RASSF2: variants seen among roughly 807,000 people sequenced by gnomAD.
RASSF2 encodes Ras association domain family member 2.
In RASSF2, 34 loss-of-function variants were observed where a neutral mutation model predicts 46.3. The ratio of observed to expected loss-of-function variants is 0.73; its 90% CI spans 0.56 to 0.98. The LOEUF is 0.98. Among genes scored for constraint, RASSF2 ranks in the 50% least tolerant of loss-of-function variants. RASSF2 has a pLI of 0.00. For synonymous variants in RASSF2, 158 were observed against 162.5 expected, an observed-to-expected ratio of 0.97 and a Z score of 0.21; for missense variants, 364 against 431.2, an observed-to-expected ratio of 0.84 and a Z score of 1.38.
At chr20:4,814,618 A>T (rs533670917) in intron 2 of RASSF2, among the ~76,000 whole-genome samples, 2 of 152,152 alleles carry the variant, frequency 1.3e-5, no homozygotes, top group Non-Finnish European at 2.9e-5. Flanking sequence ...AGAGCAAAGG[A>T]AGTGCCGGGT....
At chr20:4,799,863 G>A (rs1926711873) in intron 3 of RASSF2, among the ~76,000 whole-genome samples, 2 of 152,232 alleles carry the variant, frequency 1.3e-5, no homozygotes, top group South Asian at 4.1e-4. Context: ...TGTAATCCCA[G>A]CACTTTGGGA....
intron 4 of RASSF2, 32 bp downstream of exon 4, chr20:4,797,978 G>C: frequency 6.2e-7 from 1 of 1,612,354 alleles, no homozygotes; most frequent in Non-Finnish European, 8.5e-7. Context: ...CCCTGGACTA[G>C]CCAATCAGGG....
At chr20:4,804,319 A>G (rs1372485674) in intron 2 of RASSF2, among the ~76,000 whole-genome samples, 1 of 151,686 alleles carries the variant, frequency 6.6e-6, no homozygotes, top group African/African-American at 2.4e-5. Flanking sequence ...GCGCAAAAAG[A>G]AAAAAAGGAA....
At chr20:4,810,480 A>G (rs7346477) in intron 2 of RASSF2, among the ~76,000 whole-genome samples, 57,662 of 151,904 alleles carry the variant, frequency 0.38, 11,180 homozygotes, top group Admixed American at 0.49. Flanking sequence ...ACGCTCCATG[A>G]TCAGGGAGCC....
intron 2 of RASSF2, among the ~76,000 whole-genome samples, chr20:4,802,320 A>C (rs1926938724): frequency 6.6e-6 from 1 of 150,844 alleles, no homozygotes. Context: ...AGATGCCAGC[A>C]GCACTACCCC....
At chr20:4,803,229 T>C (rs939593781) in intron 2 of RASSF2, among the ~76,000 whole-genome samples, 21 of 151,762 alleles carry the variant, frequency 1.4e-4, no homozygotes, top group South Asian at 2.1e-4. Context: ...ATTTTTTAAG[T>C]GGAAGAGGGA....
At chr20:4,796,265 A>G (rs1926346819) in intron 4 of RASSF2, among the ~76,000 whole-genome samples, 1 of 152,264 alleles carries the variant, frequency 6.6e-6, no homozygotes, top group South Asian at 2.1e-4. Context: ...ACTTTTAAAG[A>G]AAGCGGAATA....
intron 2 of RASSF2, among the ~76,000 whole-genome samples, chr20:4,801,404 G>C (rs1926857354): frequency 6.6e-6 from 1 of 152,196 alleles, no homozygotes; most frequent in African/African-American, 2.4e-5. Context: ...ACACAGAATA[G>C]AGAGTTATCT....
At chr20:4,821,095 C>T (rs372291285) in intron 2 of RASSF2, among the ~76,000 whole-genome samples, 94 of 152,168 alleles carry the variant, frequency 6.2e-4, no homozygotes, top group African/African-American at 2.1e-3. Context: ...AACGCAGACA[C>T]GAAGCCTGGC....
chr20:4,792,767 T>G (rs757578866), intron 5 of RASSF2, 140 bp from the exon 6 acceptor site: 34 of 1,449,050 alleles, frequency 2.3e-5, no homozygotes, highest in Non-Finnish European at 3.0e-5. Flanking sequence ...CATCAGGTGA[T>G]GAAGGGTGCA....
rs6084894 is a variant in RASSF2 at position 4,791,761 on chromosome 20, C to T, written c.376+778G>A. 3.7e-3 allele frequency among the ~76,000 whole-genome samples: 570 copies of T among 152,266 alleles called. 1 individual carries two copies. The highest frequency in any genetic ancestry group is 6.5e-3 in the Non-Finnish European group (443 of 68,020). The stretch of plus-strand genomic sequence containing the variant: ...GCAAACTCGTTTGTCATAGCAGAGG[C>T]TGAAAATGACTTAAATGTCTACCAG... On this transcript the variant is annotated intron_variant, in intron 6 of 11. Coordinates refer to ENST00000379400, the MANE Select transcript of RASSF2 (RefSeq NM_014737.3).
At chr20:4,802,629 T>A (rs1291061707) in intron 2 of RASSF2, among the ~76,000 whole-genome samples, 1 of 152,104 alleles carries the variant, frequency 6.6e-6, no homozygotes, top group East Asian at 1.9e-4. Context: ...AATCAGAGAC[T>A]GATTTTATAG....
At position 4,812,003 on chromosome 20, in the gene RASSF2, C is replaced by G. The variant is rs981856006; in HGVS notation, c.-33+10326G>C. Among the ~76,000 whole-genome samples, 3 of 152,124 alleles carry G rather than the reference C, an allele frequency of 2.0e-5. No individual in the cohort carries two copies. Among genetic ancestry groups the G allele is most frequent in the Admixed American group, 2.0e-4 (3 of 15,270 alleles). ...GCAATGGCAGAGGAGATAGTGATCC[C>G]TCTGCGCTTCGGACCCCTTGTAGTG... On this transcript the variant is annotated intron_variant, in intron 2 of 11. Transcript: ENST00000379400. The surrounding 1 kb of genome is among the most constrained non-coding windows in gnomAD (Gnocchi z 4.0).
rs141113496 is a variant in RASSF2, at chr20:4,805,768, C to T, written c.-32-4706G>A. Reference sequence around the variant, plus strand: ...AGAGTTCGAAGAAGAAGAGGAAAGTCGTGATGTGGAAAGCACACCCTTTGG... The same window carrying T: ...AGAGTTCGAAGAAGAAGAGGAAAGTTGTGATGTGGAAAGCACACCCTTTGG... On this transcript the variant is annotated intron_variant, in intron 2 of 11. Transcript: ENST00000379400. Among the ~76,000 whole-genome samples the T allele has an allele frequency of 2.6e-3, 395 of 152,176 alleles. 2 individuals are homozygous for T. The highest frequency in any genetic ancestry group is 4.1e-3 in the Non-Finnish European group (279 of 68,006).
rs1925490099 is a variant in RASSF2, at chr20:4,787,743, G to C, written c.703C>G (p.Leu235Val). 1 of 1,614,170 alleles carries C rather than the reference G, an allele frequency of 6.2e-7. No homozygotes were observed. The highest frequency in any genetic ancestry group is 8.5e-7 in the Non-Finnish European group (1 of 1,180,044). Residue 235 changes from leucine to valine, a missense_variant, in exon 10 of 12, where the codon CTG becomes GTG. Physicochemically the swap from Leu to Val is conservative, Grantham distance 32. Coordinates refer to ENST00000379400, the MANE Select transcript of RASSF2 (RefSeq NM_014737.3). ...ATCAGCGGGTAATCGGTGGCCTTCA[G>C]CTTCTGTTTCTCTGCAACCACACAC... is the stretch of plus-strand genomic sequence containing the variant. The part of the protein sequence containing the change: ...VVHTSGEKQK[L>V]KATDYPLIAR...
chr20:4,785,379 G>A (rs1416228720), intron 11 of RASSF2, among the ~76,000 whole-genome samples: 1 of 152,016 alleles, frequency 6.6e-6, no homozygotes, highest in Non-Finnish European at 1.5e-5. Flanking sequence ...AAAAACTTTA[G>A]GACATAGTAA....
rs1927919938 is a variant in RASSF2, at chr20:4,812,681, T to C, written c.-33+9648A>G. Among the ~76,000 whole-genome samples, 1 of 152,222 alleles carries C rather than the reference T, an allele frequency of 6.6e-6. No individual in the cohort carries two copies. Among genetic ancestry groups the C allele is most frequent in the Non-Finnish European group, 1.5e-5 (1 of 68,040 alleles). ...AAGCGCCCAGGGCTGCTGCTGATGC[T>C]GCTGGTGGTAGCAGGCTCTAGATGC... On this transcript the variant is annotated intron_variant, in intron 2 of 11. Coordinates refer to ENST00000379400, the MANE Select transcript of RASSF2 (RefSeq NM_014737.3). This position sits in a 1 kb window ranked among gnomAD's most constrained non-coding sequence, Gnocchi z 4.0.
intron 3 of RASSF2, among the ~76,000 whole-genome samples, chr20:4,800,336 A>C (rs1479298382): frequency 6.6e-6 from 1 of 152,138 alleles, no homozygotes; most frequent in Non-Finnish European, 1.5e-5. Context: ...AACGGACAGG[A>C]CGGGGAGCAG....
chr20:4,807,211 T>G (rs73588974), intron 2 of RASSF2, among the ~76,000 whole-genome samples: 1 of 151,944 alleles, frequency 6.6e-6, no homozygotes, highest in African/African-American at 2.4e-5. Context: ...GACAGGGAAG[T>G]GAAATCGCTA....
Sources: allele counts gnomAD v4.1 joint callset (sites outside exome capture counted in the v4.1 genomes callset), GRCh38; gene constraint gnomAD v4.1.1; non-coding constraint Gnocchi (gnomAD v3.1); transcripts MANE v1.5; gene names NCBI Gene and HGNC (gene_info 2026-07-23, HGNC 2026-07-21).